Variants in SRP19 observed in about 807,000 individuals in gnomAD.
SRP19 encodes signal recognition particle 19 kDa protein.
Under a neutral mutation model 22.4 loss-of-function variants are expected in SRP19, and 11 were observed. The observed-to-expected ratio is 0.49, with a 90% confidence interval of 0.31 to 0.81. The LOEUF is 0.81. Among genes scored for constraint, SRP19 ranks in the 40% least tolerant of loss-of-function variants. The pLI, the probability that SRP19 is intolerant of heterozygous loss-of-function variation, is 0.05. For missense variants in SRP19, 168 were observed against 175.9 expected (o/e 0.96, Z 0.25); for synonymous variants, 61 against 57.6 (o/e 1.06, Z -0.27).
At chr5:112,877,390 GACTCTTA>G (rs764419605) in intron 4 of SRP19, 5 of 152,108 alleles carry the variant, frequency 3.3e-5, no homozygotes, top group Non-Finnish European at 5.9e-5. Flanking sequence ...AATTCAAAAG[GACTCTTA>G]ACAGTATGGT....
At chr5:112,883,180 C>G (rs985151489) in intron 4 of SRP19, among the ~76,000 whole-genome samples, 3 of 152,196 alleles carry the variant, frequency 2.0e-5, no homozygotes, top group Non-Finnish European at 2.9e-5. Context: ...AGTTATAGCC[C>G]CATTCTTCTG....
rs1020687181 is a variant in SRP19 at position 112,867,850 on chromosome 5, G to T, written c.*313G>T. The T allele has an allele frequency of 3.9e-6, 4 of 1,033,054 alleles. No individual in the cohort carries two copies. Among genetic ancestry groups the T allele is most frequent in the Non-Finnish European group, 4.7e-6 (4 of 859,622 alleles). 64.0% of individuals were successfully genotyped at this position (1,033,054 alleles called of 1,614,324 possible). On this transcript the variant is annotated 3_prime_UTR_variant, in exon 5 of 5. Coordinates refer to ENST00000505459, the MANE Select transcript of SRP19 (RefSeq NM_003135.3). ...AGTTGTTTCAGATAAATTTCAATTA[G>T]ATTTAAAATAAACATTTTGTCCACC...
intron 4 of SRP19, among the ~76,000 whole-genome samples, chr5:112,883,111 T>C (rs1768127800): frequency 6.6e-6 from 1 of 152,280 alleles, no homozygotes; most frequent in Admixed American, 6.5e-5. Flanking sequence ...AAACAGGCTT[T>C]GTTTCTCCTA....
chr5:112,877,803 A>C (rs1767943279), intron 4 of SRP19: 1 of 152,196 alleles, frequency 6.6e-6, no homozygotes, highest in African/African-American at 2.4e-5. Context: ...GAAGTTCCTT[A>C]AACTGGTTTA....
At chr5:112,880,334 T>C (rs1431274754) in intron 4 of SRP19, among the ~76,000 whole-genome samples, 2 of 152,204 alleles carry the variant, frequency 1.3e-5, no homozygotes, top group Admixed American at 6.5e-5. Flanking sequence ...GGGAATGTGC[T>C]ATGAGAACCA....
rs1175106375 is a variant in SRP19, at chr5:112,867,838, A to T, written c.*301A>T. On this transcript the variant is annotated 3_prime_UTR_variant, in exon 5 of 5. Transcript: ENST00000505459. ...TTACTTGAAATAAGTTGTTTCAGAT[A>T]AATTTCAATTAGATTTAAAATAAAC... 9.5e-7 allele frequency: 1 copy of T among 1,052,336 alleles called. No homozygotes were observed. Among genetic ancestry groups the T allele is most frequent in the African/African-American group, 1.7e-5 (1 of 60,128 alleles). The allele number at this position is 1,052,336 out of a possible 1,614,324, so 65.2% of individuals were successfully genotyped here. A position where few individuals can be genotyped will look rare whatever the true frequency, so the allele number is the denominator to read the frequency against.
downstream of SRP19, among the ~76,000 whole-genome samples, chr5:112,873,271 C>A: frequency 2.0e-5 from 1 of 50,720 alleles, no homozygotes; most frequent in Non-Finnish European, 3.4e-5. Flanking sequence ...CTCAGGTTTT[C>A]TTTTTTTTTT....
Position 112,864,043 on chromosome 5 carries a change from C to A in SRP19, c.118-414C>A, listed in dbSNP as rs117544666. ...AACATATTTTTGCTTTTTTGTAGAA[C>A]GCATCTGGGAATGGAATTGCAGGGC... On this transcript the variant is annotated intron_variant, in intron 2 of 4. Transcript: ENST00000505459. Among the ~76,000 whole-genome samples, 34 of 152,230 alleles carry A rather than the reference C, an allele frequency of 2.2e-4. No homozygotes were observed. In the East Asian group the frequency reaches 6.2e-3, roughly 28 times the overall value.
At chr5:112,863,683 G>C (rs143537123) in intron 2 of SRP19, among the ~76,000 whole-genome samples, 29 of 152,128 alleles carry the variant, frequency 1.9e-4, no homozygotes, top group African/African-American at 6.3e-4. Context: ...GTTTTTTTAA[G>C]AGACAGGGTC....
chr5:112,894,151 C>T (rs1292653693), downstream of SRP19: 3 of 142,436 alleles, frequency 2.1e-5, no homozygotes, highest in Non-Finnish European at 3.0e-5. Context: ...GAGACGGAGT[C>T]TTGCTCTGTT....
At position 112,884,902 on chromosome 5, in the gene SRP19, A is replaced by G. The variant is rs6879416; in HGVS notation, c.302-6701A>G. Among the ~76,000 whole-genome samples the G allele has an allele frequency of 4.3e-3, 652 of 152,170 alleles. 6 individuals carry two copies. The highest frequency in any genetic ancestry group is 0.015 in the African/African-American group (632 of 41,508). ...TGTAAGCTTCATGAATTCAAGGAGTATGGTCTCTTCGGTATGCTGGTTCAC... is the reference window on the plus strand; with the variant it reads ...TGTAAGCTTCATGAATTCAAGGAGTGTGGTCTCTTCGGTATGCTGGTTCAC... On this transcript the variant is annotated intron_variant, in intron 4 of 4. Transcript: ENST00000391338.
Position 112,867,877 on chromosome 5 carries a change from TTTAAG to T in SRP19, c.*345_*349del. Reference sequence around the variant, plus strand: ...TTTAAAATAAACATTTTGTCCACCTTTTAAGTTAATGAAATAAAATTTGAAACTGA... The same window carrying T: ...TTTAAAATAAACATTTTGTCCACCTTTTAATGAAATAAAATTTGAAACTGA... On this transcript the variant is annotated 3_prime_UTR_variant, in exon 5 of 5. Transcript: ENST00000505459. The T allele has an allele frequency of 1.0e-6, 1 of 997,142 alleles. No individual in the cohort carries two copies. Among genetic ancestry groups the T allele is most frequent in the Non-Finnish European group, 1.2e-6 (1 of 836,198 alleles). 61.8% of individuals were successfully genotyped at this position (997,142 alleles called of 1,614,324 possible).
At chr5:112,872,713 C>G (rs995475176), downstream of SRP19, among the ~76,000 whole-genome samples, 5 of 152,162 alleles carry the variant, frequency 3.3e-5, no homozygotes, top group Non-Finnish European at 4.4e-5. Context: ...ACTCTGGGTT[C>G]TCACCATTGT....
At chr5:112,884,301 C>A (rs553793608) in intron 4 of SRP19, among the ~76,000 whole-genome samples, 2 of 152,242 alleles carry the variant, frequency 1.3e-5, no homozygotes, top group African/African-American at 4.8e-5. Flanking sequence ...TAGATCACTT[C>A]TTTTGTTGCT....
At chr5:112,872,188 G>A (rs908046019), downstream of SRP19, among the ~76,000 whole-genome samples, 7 of 152,118 alleles carry the variant, frequency 4.6e-5, no homozygotes, top group African/African-American at 7.2e-5. Context: ...CAGCTCAGCC[G>A]TGTAGTACAT....
At chr5:112,876,148 T>G (rs1207730599) in intron 4 of SRP19, among the ~76,000 whole-genome samples, 2 of 152,200 alleles carry the variant, frequency 1.3e-5, no homozygotes, top group Non-Finnish European at 2.9e-5. Context: ...TGGATTCGGT[T>G]TCCTTTAAAT....
Position 112,868,563 on chromosome 5 carries a change from G to T in SRP19, c.*1026G>T, listed in dbSNP as rs1580717753. 1 of 190,998 alleles carries T rather than the reference G, an allele frequency of 5.2e-6. No homozygotes were observed. 11.8% of individuals were successfully genotyped at this position (190,998 alleles called of 1,614,324 possible). ...TTACAGGCATGTGCCACCACACCCGGCTAATTTTGTATTTTTAGTAGAGAC... is the reference window on the plus strand; with the variant it reads ...TTACAGGCATGTGCCACCACACCCGTCTAATTTTGTATTTTTAGTAGAGAC... On this transcript the variant is annotated 3_prime_UTR_variant, in exon 5 of 5. Transcript: ENST00000505459.
chr5:112,870,351 A>G (rs1400209669), downstream of SRP19, among the ~76,000 whole-genome samples: 1 of 152,108 alleles, frequency 6.6e-6, no homozygotes, highest in Non-Finnish European at 1.5e-5. Context: ...GCATGGTGGC[A>G]CATGCCTATA....
rs1767697404 is a variant in SRP19, at chr5:112,869,089, A to G, written c.*1552A>G. 1 of 152,192 alleles carries G rather than the reference A, an allele frequency of 6.6e-6. No homozygotes were observed. Among genetic ancestry groups the G allele is most frequent in the Non-Finnish European group, 1.5e-5 (1 of 68,034 alleles). 9.4% of individuals were successfully genotyped at this position (152,192 alleles called of 1,614,324 possible). On this transcript the variant is annotated 3_prime_UTR_variant, in exon 5 of 5. Coordinates refer to ENST00000505459, the MANE Select transcript of SRP19 (RefSeq NM_003135.3). ...CAATAAGGGGATGTGTTTGCTGTGT[A>G]ACAAAACAATGAAGGATTTAAGCAG...
Sources: gnomAD v4.1 joint callset for allele counts (sites outside exome capture counted in the v4.1 genomes callset) on GRCh38, gnomAD v4.1.1 for gene constraint, MANE v1.5 for transcripts, NCBI Gene and HGNC (gene_info 2026-07-23, HGNC 2026-07-21) for gene names.